Variants in PTPRK observed in about 807,000 individuals in gnomAD.
PTPRK encodes the protein receptor-type tyrosine-protein phosphatase kappa.
PTPRK carries 75 observed loss-of-function variants against 178.0 expected under a neutral mutation model. The observed-to-expected ratio is 0.42, with a 90% CI of 0.35 to 0.51. The LOEUF is 0.51. Ranked by LOEUF, PTPRK falls within the 20% of genes least tolerant of loss-of-function variation. The pLI, the probability that PTPRK is intolerant of heterozygous loss-of-function variation, is 0.02. For synonymous variants in PTPRK, 637 were observed against 620.6 expected (o/e 1.03, Z -0.39); for missense variants, 1,441 against 1,797.8 (o/e 0.80, Z 3.59).
intron 16 of PTPRK, 104 bp from the exon 17 acceptor site, chr6:127,997,092 G>A: frequency 8.6e-7 from 1 of 1,167,510 alleles, no homozygotes; most frequent in South Asian, 1.4e-5. Context: ...TCTCAGAGAG[G>A]AAAGCAGTCC....
intron 13 of PTPRK, among the ~76,000 whole-genome samples, chr6:128,013,625 C>T (rs1779283816): frequency 2.0e-5 from 3 of 151,482 alleles, no homozygotes; most frequent in South Asian, 4.1e-4. Context: ...CTAGGATTAA[C>T]ATTTATCATC....
chr6:128,391,877 C>T (rs1839628907), intron 2 of PTPRK, among the ~76,000 whole-genome samples: 2 of 151,956 alleles, frequency 1.3e-5, no homozygotes, highest in Admixed American at 1.3e-4. Context: ...GGAAACTTAG[C>T]TGAAATCATG....
intron 6 of PTPRK, among the ~76,000 whole-genome samples, chr6:128,189,725 C>T (rs1233368764): frequency 1.3e-5 from 2 of 152,206 alleles, no homozygotes; most frequent in African/African-American, 4.8e-5. Context: ...CAGTTTTACT[C>T]TGTTTCTTTA....
chr6:128,226,771 TATATATATATA>T (rs1401190788), intron 5 of PTPRK, among the ~76,000 whole-genome samples: 1 of 122,618 alleles, frequency 8.2e-6, no homozygotes, highest in Non-Finnish European at 1.6e-5. Flanking sequence ...CATATATATA[TATATATATATA>T]TATATATATA....
chr6:128,009,609 T>C (rs1778833670), intron 13 of PTPRK, among the ~76,000 whole-genome samples: 1 of 151,176 alleles, frequency 6.6e-6, no homozygotes, highest in African/African-American at 2.4e-5. Context: ...GGGTCAGATT[T>C]AGAGGTTTAT....
At chr6:128,002,430 C>A (rs1416513870) in intron 15 of PTPRK, among the ~76,000 whole-genome samples, 1 of 151,756 alleles carries the variant, frequency 6.6e-6, no homozygotes, top group African/African-American at 2.4e-5. Context: ...AACATACAGG[C>A]AAGCTGATTA....
rs1237804094 is a variant in PTPRK at position 128,327,549 on chromosome 6, C to T, written c.224-5239G>A. ...ATCATGCCAGTTTTCTGTCCTCAAA[C>T]TGTCTCACAGTTTCTAAATGTCTGA... On this transcript the variant is annotated intron_variant, in intron 2 of 29. Transcript: ENST00000368226. Among the ~76,000 whole-genome samples, 6 of 152,278 alleles carry T rather than the reference C, an allele frequency of 3.9e-5. No individual in the cohort carries two copies. The East Asian group carries it at 1.2e-3, about 29-fold the overall frequency.
chr6:128,296,703 C>G, intron 3 of PTPRK, among the ~76,000 whole-genome samples: 1 of 152,062 alleles, frequency 6.6e-6, no homozygotes, highest in East Asian at 1.9e-4. Flanking sequence ...CAGGCCTGCC[C>G]TAAAAGAGCT....
intron 10 of PTPRK, among the ~76,000 whole-genome samples, chr6:128,081,202 T>C (rs922295130): frequency 2.0e-5 from 3 of 152,068 alleles, no homozygotes; most frequent in Admixed American, 6.6e-5. Flanking sequence ...CAAGTCTTAT[T>C]TTCTGGTAAA....
chr6:128,506,049 A>G (rs975470215), intron 1 of PTPRK, among the ~76,000 whole-genome samples: 2 of 152,262 alleles, frequency 1.3e-5, no homozygotes, highest in Non-Finnish European at 2.9e-5. Flanking sequence ...ACACGTTCTA[A>G]AAGCCAGTGC....
chr6:127,981,391 T>A, intron 24 of PTPRK, 102 bp from the exon 25 acceptor site: 211 of 869,104 alleles, frequency 2.4e-4, no homozygotes, highest in Non-Finnish European at 3.5e-4. Flanking sequence ...AAGTGAAGGA[T>A]TTGTGCGAGG....
intron 5 of PTPRK, among the ~76,000 whole-genome samples, chr6:128,224,326 T>A (rs1449410657): frequency 6.6e-6 from 1 of 152,186 alleles, no homozygotes; most frequent in Admixed American, 6.5e-5. Flanking sequence ...GTCACTATAA[T>A]CCTCAATGTT....
At chr6:128,321,958 T>C (rs913462855) in intron 3 of PTPRK, 81 bp downstream of exon 3, 3 of 1,574,374 alleles carry the variant, frequency 1.9e-6, no homozygotes, top group Admixed American at 3.4e-5. Context: ...TACCATGAGA[T>C]GCATATTTAC....
chr6:128,468,998 A>G (rs934446396), intron 1 of PTPRK, among the ~76,000 whole-genome samples: 1 of 151,780 alleles, frequency 6.6e-6, no homozygotes, highest in East Asian at 1.9e-4. Context: ...AGAAGTTCCC[A>G]TTGATAAAGA....
intron 2 of PTPRK, among the ~76,000 whole-genome samples, chr6:128,367,501 C>A (rs1426114957): frequency 6.6e-6 from 1 of 152,138 alleles, no homozygotes; most frequent in Non-Finnish European, 1.5e-5. Flanking sequence ...ACATAACTTG[C>A]AGCACTTTTA....
intron 13 of PTPRK, among the ~76,000 whole-genome samples, chr6:128,017,972 G>A (rs1230730316): frequency 1.3e-5 from 2 of 150,988 alleles, no homozygotes; most frequent in Admixed American, 6.6e-5. Flanking sequence ...TCCAAAATGG[G>A]AAGTGGGATC....
chr6:128,013,287 C>A lies in PTPRK; in HGVS notation c.2195-4019G>T, dbSNP rs539887559. On this transcript the variant is annotated intron_variant, in intron 13 of 29. Transcript: ENST00000368226. ...CCTCAGGGACCTATGCCTCTTGACACTGTGTTCCATACTTTCTGGCTTGGT... is the reference window on the plus strand; with the variant it reads ...CCTCAGGGACCTATGCCTCTTGACAATGTGTTCCATACTTTCTGGCTTGGT... 2.6e-5 allele frequency among the ~76,000 whole-genome samples: 4 copies of A among 151,550 alleles called. No homozygotes were observed. The South Asian group carries it at 8.3e-4, about 31-fold the overall frequency.
intron 7 of PTPRK, among the ~76,000 whole-genome samples, chr6:128,164,547 C>T (rs771416297): frequency 7.3e-5 from 11 of 151,366 alleles, no homozygotes; most frequent in Non-Finnish European, 1.5e-4. Context: ...TATGAGTTTG[C>T]TTCAATACTA....
At chr6:128,041,396 A>G (rs774898516) in intron 13 of PTPRK, among the ~76,000 whole-genome samples, 5 of 152,076 alleles carry the variant, frequency 3.3e-5, no homozygotes, top group Non-Finnish European at 7.4e-5. Context: ...CACTACACTG[A>G]TAAAGGATAA....
Sources: allele counts gnomAD v4.1 joint callset (sites outside exome capture counted in the v4.1 genomes callset), GRCh38; gene constraint gnomAD v4.1.1; transcripts MANE v1.5; gene names NCBI Gene and HGNC (gene_info 2026-07-23, HGNC 2026-07-21).